Variants in TMEM181 observed in about 807,000 individuals in gnomAD.
TMEM181 encodes the protein G protein-coupled receptor 178.
In TMEM181, 39 loss-of-function variants were observed where a neutral mutation model predicts 71.9. The ratio of observed to expected loss-of-function variants is 0.54; its 90% CI spans 0.42 to 0.71. The LOEUF (loss-of-function observed/expected upper bound fraction) is 0.71. Among genes scored for constraint, TMEM181 ranks in the 30% least tolerant of loss-of-function variants. The pLI is 0.00. For missense variants in TMEM181, 595 were observed against 583.0 expected (o/e 1.02, Z -0.21); for synonymous variants, 245 against 228.8 (o/e 1.07, Z -0.64).
rs145357459 is a variant in TMEM181 at position 158,567,440 on chromosome 6, C to A, written c.9-5980C>A. Among the ~76,000 whole-genome samples, 38 of 152,338 alleles carry A rather than the reference C, an allele frequency of 2.5e-4. 1 individual carries two copies. In the East Asian group the frequency reaches 7.1e-3, roughly 29 times the overall value. On this transcript the variant is annotated intron_variant, in intron 1 of 16. Coordinates refer to ENST00000684151, the MANE Select transcript of TMEM181 (RefSeq NM_001376852.1). ...GCCTCCCACGTGCCAAGCCGTTCGC[C>A]GTCAGGCACTCTGCTGTGTAGTGCA...
chr6:158,591,619 G>A (rs1784115344), intron 6 of TMEM181, among the ~76,000 whole-genome samples: 1 of 151,954 alleles, frequency 6.6e-6, no homozygotes, highest in African/African-American at 2.4e-5. Context: ...ATACTTTGAT[G>A]TAGTCCTTTG....
rs1785904948 is a variant in TMEM181 at position 158,620,700 on chromosome 6, A to G, written c.897-2850A>G. Among the ~76,000 whole-genome samples, 1 of 152,132 alleles carries G rather than the reference A, an allele frequency of 6.6e-6. No homozygotes were observed. Among genetic ancestry groups the G allele is most frequent in the African/African-American group, 2.4e-5 (1 of 41,428 alleles). The stretch of plus-strand genomic sequence containing the variant: ...TTGCTGGAAGAGTGAAGTGAGAGAA[A>G]AGATGGGGTGCATGGCCAGAGACTC... On this transcript the variant is annotated intron_variant, in intron 10 of 16. Transcript: ENST00000684151. The surrounding 1 kb of genome is among the most constrained non-coding windows in gnomAD (Gnocchi z 4.5).
Position 158,587,813 on chromosome 6 carries a change from A to G in TMEM181, c.382-1859A>G, listed in dbSNP as rs567407358. 4.6e-5 allele frequency among the ~76,000 whole-genome samples: 7 copies of G among 152,058 alleles called. No homozygotes were observed. The South Asian group carries it at 1.5e-3, about 32-fold the overall frequency. ...CGGAACCGCTGGTGTAGTTTTTTTA[A>G]ACTCGTAAGTATATGCAGCCTGAGA... On this transcript the variant is annotated intron_variant, in intron 5 of 16. Coordinates refer to ENST00000684151, the MANE Select transcript of TMEM181 (RefSeq NM_001376852.1).
At chr6:158,619,635 C>T (rs895393905) in intron 10 of TMEM181, among the ~76,000 whole-genome samples, 1 of 151,968 alleles carries the variant, frequency 6.6e-6, no homozygotes, top group African/African-American at 2.4e-5. Context: ...CTTTGGGAGG[C>T]CAGTGCAGGC....
chr6:158,557,717 A>G (rs1198288508), upstream of TMEM181, among the ~76,000 whole-genome samples: 1 of 152,134 alleles, frequency 6.6e-6, no homozygotes, highest in Non-Finnish European at 1.5e-5. Flanking sequence ...GGATTTCGCC[A>G]TATTGGCCAA....
chr6:158,542,687 C>T (rs987232472), intron 1 of TMEM181, among the ~76,000 whole-genome samples: 14 of 152,162 alleles, frequency 9.2e-5, no homozygotes, highest in African/African-American at 3.1e-4. Flanking sequence ...TCACTACAAC[C>T]TACACCTCCT....
At chr6:158,628,372 G>A (rs1321235996) in intron 13 of TMEM181, 36 bp from the exon 14 acceptor site, 1 of 1,606,284 alleles carries the variant, frequency 6.2e-7, no homozygotes, top group Non-Finnish European at 8.5e-7. Context: ...TTTCGTGCAT[G>A]TTTACATATT....
chr6:158,625,901 G>A lies in TMEM181; in HGVS notation c.1109+147G>A, dbSNP rs1315594819. ...GTTAGAGGGCCTCCCACCAAGGCTG[G>A]GCAGCCGAGAGCAGCCGTCAGCCTG... On this transcript the variant is annotated intron_variant, in intron 13 of 16. Transcript: ENST00000684151. The A allele has an allele frequency of 4.0e-6, 3 of 742,198 alleles. No homozygotes were observed. In the South Asian group the frequency reaches 4.9e-5, roughly 12 times the overall value. 46.0% of individuals were successfully genotyped at this position (742,198 alleles called of 1,614,324 possible).
rs986063851 is a variant in TMEM181 at position 158,584,053 on chromosome 6, C to T, written c.259+9C>T. 1.9e-6 allele frequency: 3 copies of T among 1,585,370 alleles called. No individual in the cohort carries two copies. Among genetic ancestry groups the T allele is most frequent in the South Asian group, 1.2e-5 (1 of 84,874 alleles). On this transcript the variant is annotated intron_variant, in intron 4 of 16. Transcript: ENST00000684151. ...GTTGGATCAATCAAAAGGTATGGAGCTTGACATTTTGGAATGATTTTTCAT... is the reference window on the plus strand; with the variant it reads ...GTTGGATCAATCAAAAGGTATGGAGTTTGACATTTTGGAATGATTTTTCAT...
chr6:158,571,264 T>TA, intron 1 of TMEM181, among the ~76,000 whole-genome samples: 1 of 145,850 alleles, frequency 6.9e-6, no homozygotes, highest in Admixed American at 6.8e-5. Flanking sequence ...GCCCGGCTAA[T>TA]TTTTTGTGTT....
intron 3 of TMEM181, among the ~76,000 whole-genome samples, chr6:158,581,197 C>G (rs1196192218): frequency 1.3e-5 from 2 of 152,240 alleles, no homozygotes; most frequent in Non-Finnish European, 2.9e-5. Context: ...TAATAAACAC[C>G]TCAGTACTTA....
chr6:158,562,071 G>T (rs1782210662), intron 1 of TMEM181, among the ~76,000 whole-genome samples: 1 of 152,100 alleles, frequency 6.6e-6, no homozygotes, highest in South Asian at 2.1e-4. Flanking sequence ...GCTTGGAGGA[G>T]CAGGGGCAGC....
intron 2 of TMEM181, among the ~76,000 whole-genome samples, chr6:158,579,898 G>T (rs1257331491): frequency 6.6e-6 from 1 of 152,190 alleles, no homozygotes; most frequent in Non-Finnish European, 1.5e-5. Flanking sequence ...AAGTAGAGTG[G>T]TGGCAGCCAG....
chr6:158,563,696 T>C (rs1329984190), intron 1 of TMEM181, among the ~76,000 whole-genome samples: 2 of 152,246 alleles, frequency 1.3e-5, no homozygotes, highest in Non-Finnish European at 2.9e-5. Context: ...GTCACTGGGC[T>C]TGCAATCTGG....
In TMEM181 at chr6:158,634,007, CAT is replaced by C. The variant is rs1393926995; in HGVS notation, c.*2121_*2122del. ...ATGTAAAATATTTGAGGCATTTAGC[CAT>C]ACACACACTAGAACTTTTTAAAACT... On this transcript the variant is annotated 3_prime_UTR_variant, in exon 17 of 17. Transcript: ENST00000684151. The C allele has an allele frequency of 1.3e-5, 2 of 152,112 alleles. No individual in the cohort carries two copies. Among genetic ancestry groups the C allele is most frequent in the Non-Finnish European group, 2.9e-5 (2 of 68,026 alleles). 9.4% of individuals were successfully genotyped at this position (152,112 alleles called of 1,614,324 possible).
In TMEM181 at chr6:158,537,178, C is replaced by A. The variant is rs182002113; in HGVS notation, c.131+313C>A. 2.8e-3 allele frequency among the ~76,000 whole-genome samples: 423 copies of A among 152,138 alleles called. 1 individual carries two copies. The highest frequency in any genetic ancestry group is 4.5e-3 in the Non-Finnish European group (303 of 67,960). Reference sequence around the variant, plus strand: ...CTCCCGCCTCCCCGGAAAGGAGCTGCGGGTTGTGGCTCCTCCCTGCGCCCC... The same window carrying A: ...CTCCCGCCTCCCCGGAAAGGAGCTGAGGGTTGTGGCTCCTCCCTGCGCCCC... On this transcript the variant is annotated intron_variant, in intron 1 of 16. Coordinates refer to the TMEM181 transcript ENST00000367090.
intron 7 of TMEM181, among the ~76,000 whole-genome samples, chr6:158,605,599 G>A (rs754574007): frequency 9.2e-5 from 14 of 152,218 alleles, no homozygotes; most frequent in Non-Finnish European, 1.0e-4. Context: ...TGTTGATCAT[G>A]TGCGGTGAAA....
chr6:158,591,230 C>T (rs1461266769), intron 6 of TMEM181, among the ~76,000 whole-genome samples: 2 of 152,130 alleles, frequency 1.3e-5, no homozygotes, highest in Admixed American at 1.3e-4. Flanking sequence ...TTGTTCTTTT[C>T]TTTCACGTTG....
intron 6 of TMEM181, among the ~76,000 whole-genome samples, chr6:158,591,581 G>A (rs1784114319): frequency 6.6e-6 from 1 of 151,926 alleles, no homozygotes; most frequent in Admixed American, 6.6e-5. Flanking sequence ...TCCAGATGGG[G>A]TCTGAGGCAG....
Sources: gnomAD v4.1 joint callset for allele counts (sites outside exome capture counted in the v4.1 genomes callset) on GRCh38, gnomAD v4.1.1 for gene constraint, Gnocchi (gnomAD v3.1) non-coding constraint, MANE v1.5 for transcripts, NCBI Gene and HGNC (gene_info 2026-07-23, HGNC 2026-07-21) for gene names.